Variants in BNC2 observed in about 807,000 individuals in gnomAD.
BNC2 encodes the protein zinc finger protein basonuclin-2.
In BNC2, 20 loss-of-function variants were observed where a neutral mutation model predicts 76.3. That is an observed-to-expected ratio of 0.26 (90% CI 0.18 to 0.38). The LOEUF (loss-of-function observed/expected upper bound fraction) is 0.38. Ranked by LOEUF, BNC2 falls within the 10% of genes least tolerant of loss-of-function variation. The probability of loss-of-function intolerance (pLI) is 1.00; values close to 1 mark genes in which losing one functional copy is unlikely to be tolerated. For missense variants in BNC2, 1,382 were observed against 1,399.8 expected, an observed-to-expected ratio of 0.99 and a Z score of 0.20; for synonymous variants, 582 against 514.8, an observed-to-expected ratio of 1.13 and a Z score of -1.77.
chr9:16,625,698 T>G (rs1355442634), intron 3 of BNC2: 1 of 152,252 alleles, frequency 6.6e-6, no homozygotes, highest in Non-Finnish European at 1.5e-5. Context: ...TACTTTCCTT[T>G]CTGAGCAAAC....
At chr9:16,624,969 C>T (rs1292446602) in intron 3 of BNC2, among the ~76,000 whole-genome samples, 2 of 152,176 alleles carry the variant, frequency 1.3e-5, no homozygotes, top group Non-Finnish European at 2.9e-5. Flanking sequence ...GAGAGCACCT[C>T]GCATGTAATA....
intron 3 of BNC2, among the ~76,000 whole-genome samples, chr9:16,613,876 G>A (rs549882047): frequency 1.3e-5 from 2 of 152,294 alleles, no homozygotes; most frequent in African/African-American, 4.8e-5. Context: ...GACAGGCAGT[G>A]TATTTTCAAT....
At chr9:16,484,847 G>T (rs1445478922) in intron 5 of BNC2, among the ~76,000 whole-genome samples, 1 of 152,164 alleles carries the variant, frequency 6.6e-6, no homozygotes, top group African/African-American at 2.4e-5. Flanking sequence ...CATTTCCACT[G>T]TCAGAGGGGA....
rs558072806 is a variant in BNC2, at chr9:16,498,719, T to C, written c.669+53811A>G. On this transcript the variant is annotated intron_variant, in intron 5 of 6. Transcript: ENST00000380672. ...AAAAAAAAAGACCCCCAAAAAATTATATGTTTTCTTCTGTCTCCTACCTTA... is the reference window on the plus strand; with the variant it reads ...AAAAAAAAAGACCCCCAAAAAATTACATGTTTTCTTCTGTCTCCTACCTTA... Among the ~76,000 whole-genome samples the C allele has an allele frequency of 1.7e-4, 26 of 151,790 alleles. No individual in the cohort carries two copies. The South Asian group carries it at 5.4e-3, about 32-fold the overall frequency.
chr9:16,665,488 A>C (rs141697663), intron 3 of BNC2, among the ~76,000 whole-genome samples: 1 of 135,622 alleles, frequency 7.4e-6, no homozygotes, highest in Admixed American at 7.2e-5. Flanking sequence ...GAAAGAAAGA[A>C]AGAGAGAGAG....
rs1824843453 is a variant in BNC2, at chr9:16,741,313, T to C, written c.4-2828A>G. Among the ~76,000 whole-genome samples the C allele has an allele frequency of 1.3e-5, 2 of 151,932 alleles. 1 individual carries two copies. The highest frequency in any genetic ancestry group is 1.3e-4 in the Admixed American group (2 of 15,248). On this transcript the variant is annotated intron_variant, in intron 1 of 6. Coordinates refer to ENST00000380672, the MANE Select transcript of BNC2 (RefSeq NM_017637.6). ...TACTAAAAATACAAAATTAGCCAGG[T>C]ATGGTGGTGCATGCCTGTAATACCA...
chr9:16,717,990 G>C (rs1349511270), intron 3 of BNC2, among the ~76,000 whole-genome samples: 1 of 152,098 alleles, frequency 6.6e-6, no homozygotes, highest in Non-Finnish European at 1.5e-5. Context: ...TCAATATAAT[G>C]AACACCCAAG....
At chr9:16,687,575 G>A (rs543896929) in intron 3 of BNC2, among the ~76,000 whole-genome samples, 2 of 152,032 alleles carry the variant, frequency 1.3e-5, no homozygotes, top group African/African-American at 4.8e-5. Flanking sequence ...ATTAACCTGA[G>A]AATATTCCAA....
chr9:16,428,745 T>C (rs1010914672), intron 6 of BNC2, among the ~76,000 whole-genome samples: 5 of 152,274 alleles, frequency 3.3e-5, no homozygotes, highest in South Asian at 2.1e-4. Flanking sequence ...GTAACATTTT[T>C]CCCCCTAGTT....
intron 3 of BNC2, among the ~76,000 whole-genome samples, chr9:16,587,974 T>C (rs1819819220): frequency 6.6e-6 from 1 of 152,168 alleles, no homozygotes; most frequent in African/African-American, 2.4e-5. Flanking sequence ...CGATATGGGT[T>C]TGTTTTCCCC....
chr9:16,725,192 T>C (rs1276018370), intron 3 of BNC2, among the ~76,000 whole-genome samples: 1 of 142,548 alleles, frequency 7.0e-6, no homozygotes, highest in African/African-American at 2.6e-5. Context: ...ATATCAGAGA[T>C]ATAATTTCAA....
At chr9:16,843,614 G>A (rs369854023) in intron 1 of BNC2, among the ~76,000 whole-genome samples, 36 of 152,346 alleles carry the variant, frequency 2.4e-4, no homozygotes, top group African/African-American at 8.2e-4. Context: ...GATTACAGGC[G>A]TGAGCCACCA....
chr9:16,754,562 T>TC, intron 1 of BNC2, among the ~76,000 whole-genome samples: 1 of 151,830 alleles, frequency 6.6e-6, no homozygotes, highest in South Asian at 2.1e-4. Context: ...AGTCATTTTT[T>TC]TTTCTTTTTT....
chr9:16,809,181 C>G (rs920560360), intron 1 of BNC2, among the ~76,000 whole-genome samples: 1 of 152,080 alleles, frequency 6.6e-6, no homozygotes, highest in African/African-American at 2.4e-5. Context: ...CTTGTCTCAG[C>G]GCTGCATGTG....
rs57325819 is a variant in BNC2 at position 16,805,713 on chromosome 9, G to GCACACACACA, written c.3+64923_3+64932dup. On this transcript the variant is annotated intron_variant, in intron 1 of 6. Transcript: ENST00000380672. ...ACTTACATGTATAATTTGCATACAT[G>GCACACACACA]CACACACACACACACACACACACGC... Among the ~76,000 whole-genome samples, 43 of 149,218 alleles carry GCACACACACA rather than the reference G, an allele frequency of 2.9e-4. No individual in the cohort carries two copies. In the East Asian group the frequency reaches 7.0e-3, roughly 24 times the overall value.
intron 1 of BNC2, among the ~76,000 whole-genome samples, chr9:16,847,919 A>G (rs1819027755): frequency 6.6e-6 from 1 of 152,242 alleles, no homozygotes; most frequent in Non-Finnish European, 1.5e-5. Context: ...ACATAAATAC[A>G]TAAAAAACAA....
At chr9:16,472,001 G>A (rs868093363) in intron 5 of BNC2, among the ~76,000 whole-genome samples, 2 of 152,172 alleles carry the variant, frequency 1.3e-5, no homozygotes, top group African/African-American at 4.8e-5. Context: ...CATGTAAGAA[G>A]TGCCTTTCAC....
At chr9:16,767,630 A>T (rs572325173) in intron 1 of BNC2, among the ~76,000 whole-genome samples, 3 of 152,170 alleles carry the variant, frequency 2.0e-5, no homozygotes, top group Non-Finnish European at 4.4e-5. Context: ...CAAGAGGTTC[A>T]TATATTATCT....
In BNC2 at chr9:16,412,202, C is replaced by G. The variant is rs1427389012; in HGVS notation, c.*6787G>C. On this transcript the variant is annotated 3_prime_UTR_variant, in exon 7 of 7. Transcript: ENST00000380672. ...TTAACGATTAAAGTCAAAAGCCTGA[C>G]GCCATCTTTTTTAGATTGTCAGTCC... 6.6e-6 allele frequency: 1 copy of G among 152,578 alleles called. No individual in the cohort carries two copies. Among genetic ancestry groups the G allele is most frequent in the African/African-American group, 2.4e-5 (1 of 41,424 alleles). The allele number at this position is 152,578 out of a possible 1,614,324, so 9.5% of individuals were successfully genotyped here.
Sources: gnomAD v4.1 joint callset for allele counts (sites outside exome capture counted in the v4.1 genomes callset) on GRCh38, gnomAD v4.1.1 for gene constraint, MANE v1.5 for transcripts, NCBI Gene and HGNC (gene_info 2026-07-23, HGNC 2026-07-21) for gene names.